Variants in ASCC3 observed in about 807,000 individuals in gnomAD.
The protein encoded by ASCC3 is activating signal cointegrator 1 complex subunit 3.
In ASCC3, 158 loss-of-function variants were observed where a neutral mutation model predicts 256.3. The observed-to-expected ratio is 0.62, with a 90% CI of 0.54 to 0.70. The LOEUF is 0.70. Ranked by LOEUF, ASCC3 falls within the 30% of genes least tolerant of loss-of-function variation. ASCC3 has a pLI of 0.00. For missense variants in ASCC3, 2,259 were observed against 2,626.0 expected (o/e 0.86, Z 3.05); for synonymous variants, 948 against 883.4 (o/e 1.07, Z -1.30).
At chr6:100,624,464 A>T (rs1218598875) in intron 30 of ASCC3, among the ~76,000 whole-genome samples, 1 of 151,966 alleles carries the variant, frequency 6.6e-6, no homozygotes, top group Non-Finnish European at 1.5e-5. Context: ...TATATCAATA[A>T]GTTGCAACAA....
chr6:100,622,056 C>T (rs373695285), intron 30 of ASCC3, among the ~76,000 whole-genome samples: 56 of 151,964 alleles, frequency 3.7e-4, no homozygotes, highest in African/African-American at 7.0e-4. Context: ...CATGGACATA[C>T]GGGGGGAACT....
chr6:100,820,859 A>G (rs917145455), intron 4 of ASCC3, among the ~76,000 whole-genome samples: 1 of 152,218 alleles, frequency 6.6e-6, no homozygotes, highest in South Asian at 2.1e-4. Flanking sequence ...ACGAATGACC[A>G]ATAACCAGGA....
intron 4 of ASCC3, among the ~76,000 whole-genome samples, chr6:100,831,291 AC>A (rs1316820419): frequency 6.6e-6 from 1 of 151,914 alleles, no homozygotes; most frequent in Admixed American, 6.6e-5. Context: ...TAAAGATGGC[AC>A]AAAATTCATA....
intron 14 of ASCC3, among the ~76,000 whole-genome samples, chr6:100,675,990 T>C (rs1036688419): frequency 1.3e-5 from 2 of 152,108 alleles, no homozygotes; most frequent in South Asian, 2.1e-4. Context: ...AACGAAAATA[T>C]ATGCATCTTT....
At chr6:100,856,482 TTC>T (rs2114525255) in intron 3 of ASCC3, 1 of 880,856 alleles carries the variant, frequency 1.1e-6, no homozygotes, top group East Asian at 1.2e-4. Flanking sequence ...ATCATAGTAA[TTC>T]TTTTTATTGA....
intron 4 of ASCC3, among the ~76,000 whole-genome samples, chr6:100,843,330 T>G (rs373021141): frequency 2.0e-5 from 3 of 152,104 alleles, no homozygotes; most frequent in Non-Finnish European, 4.4e-5. Context: ...GGTTCAGAAA[T>G]GAACTTGCAT....
intron 4 of ASCC3, among the ~76,000 whole-genome samples, chr6:100,826,104 T>C (rs1771294150): frequency 6.6e-6 from 1 of 151,970 alleles, no homozygotes; most frequent in African/African-American, 2.4e-5. Flanking sequence ...CACATGAACT[T>C]CTTTTAGGCT....
In ASCC3 at chr6:100,799,564, G is replaced by A. The variant is rs1582881379; in HGVS notation, c.1136C>T (p.Ala379Val). The A allele has an allele frequency of 6.2e-7, 1 of 1,612,136 alleles. No individual in the cohort carries two copies. Among genetic ancestry groups the A allele is most frequent in the Non-Finnish European group, 8.5e-7 (1 of 1,179,258 alleles). ...TGGAACACTTCTAGCATTCAGAAGT[G>A]CCTGTTCTCTGTAAACATAAAAATA... Reference protein sequence around the residue: ...PKELRIQREQALLNARSVPIL... With the variant: ...PKELRIQREQVLLNARSVPIL... The change falls in exon 7 of 42, where the codon GCA becomes GTA. Residue 379 changes from alanine to valine, a missense_variant. Around this residue, in one of 2 missense-constraint regions of ASCC3, gnomAD observed 1,839 missense variants for 2,206.7 expected, o/e 0.83. Transcript: ENST00000369162.
At chr6:100,858,935 A>G (rs1773090468) in intron 3 of ASCC3, 2 of 598,830 alleles carry the variant, frequency 3.3e-6, no homozygotes, top group Non-Finnish European at 3.0e-6. Context: ...ACCTCTTTTA[A>G]TCTACAATAG....
At chr6:100,880,904 A>C (rs1057373454) in intron 1 of ASCC3, among the ~76,000 whole-genome samples, 157 bp downstream of exon 1, 2 of 152,142 alleles carry the variant, frequency 1.3e-5, no homozygotes, top group African/African-American at 4.8e-5. Context: ...ACTCGACCTC[A>C]TGCCACTGAA....
At chr6:100,825,887 A>AT (rs1439637254) in intron 4 of ASCC3, among the ~76,000 whole-genome samples, 1 of 151,498 alleles carries the variant, frequency 6.6e-6, no homozygotes, top group African/African-American at 2.4e-5. Flanking sequence ...CTTCTGCTTG[A>AT]TTGACTCGGC....
chr6:100,748,604 G>T (rs1370007806), intron 10 of ASCC3, among the ~76,000 whole-genome samples: 2 of 151,912 alleles, frequency 1.3e-5, no homozygotes, highest in Non-Finnish European at 2.9e-5. Context: ...AGACACAGTT[G>T]AATCACCTCA....
intron 34 of ASCC3, among the ~76,000 whole-genome samples, chr6:100,597,849 C>T (rs1322299593): frequency 7.2e-6 from 1 of 138,172 alleles, no homozygotes; most frequent in Non-Finnish European, 1.6e-5. Flanking sequence ...TGGAAGGTGC[C>T]TGTAGTCCCA....
chr6:100,626,418 C>T (rs1311903433), intron 29 of ASCC3, among the ~76,000 whole-genome samples: 1 of 151,988 alleles, frequency 6.6e-6, no homozygotes, highest in Non-Finnish European at 1.5e-5. Context: ...ATAAAGCTAT[C>T]ACACAATCAT....
At chr6:100,760,358 G>A (rs1325802814) in intron 10 of ASCC3, among the ~76,000 whole-genome samples, 1 of 152,144 alleles carries the variant, frequency 6.6e-6, no homozygotes, top group Non-Finnish European at 1.5e-5. Flanking sequence ...TTTTTAACAT[G>A]AAGGGATGTT....
chr6:100,808,275 T>C (rs1770287954), intron 4 of ASCC3, among the ~76,000 whole-genome samples: 1 of 119,060 alleles, frequency 8.4e-6, no homozygotes, highest in Non-Finnish European at 1.7e-5. Context: ...TGTTATAAAA[T>C]TATACATGGG....
intron 36 of ASCC3, among the ~76,000 whole-genome samples, chr6:100,544,413 C>T (rs982130120): frequency 6.6e-6 from 1 of 151,956 alleles, no homozygotes; most frequent in South Asian, 2.1e-4. Flanking sequence ...AACACTGATA[C>T]TCCTCTAGCA....
chr6:100,799,590 G>A lies in ASCC3; in HGVS notation c.1128-18C>T. ...CCTGTTCTCTGTAAACATAAAAATA[G>A]GCCTAATTTGAAATGTTTATCTTGA... On this transcript the variant is annotated intron_variant, in intron 6 of 41. Coordinates refer to ENST00000369162, the MANE Select transcript of ASCC3 (RefSeq NM_006828.4). 6.2e-7 allele frequency: 1 copy of A among 1,608,620 alleles called. No individual in the cohort carries two copies. Among genetic ancestry groups the A allele is most frequent in the Non-Finnish European group, 8.5e-7 (1 of 1,177,858 alleles).
intron 14 of ASCC3, among the ~76,000 whole-genome samples, chr6:100,664,313 C>A (rs1013961747): frequency 2.0e-5 from 3 of 151,918 alleles, no homozygotes; most frequent in African/African-American, 7.3e-5. Context: ...CTAGACTTTG[C>A]CATACTGATT....
Sources: allele counts gnomAD v4.1 joint callset (sites outside exome capture counted in the v4.1 genomes callset), GRCh38; gene constraint gnomAD v4.1.1; regional missense constraint gnomAD v4.1.1; transcripts MANE v1.5; gene names NCBI Gene and HGNC (gene_info 2026-07-23, HGNC 2026-07-21).